SLC39A12: variants seen among roughly 807,000 people sequenced by gnomAD.
The protein encoded by SLC39A12 is solute carrier family 39 member 12.
SLC39A12 carries 63 observed loss-of-function variants against 71.1 expected under a neutral mutation model. That is an observed-to-expected ratio of 0.89 (90% CI 0.72 to 1.09). SLC39A12 has a LOEUF of 1.09. SLC39A12 is among the 50% of genes least tolerant of loss of function. The pLI is 0.00. For missense variants in SLC39A12, 892 were observed against 812.6 expected (o/e 1.10, Z -1.19); for synonymous variants, 351 against 301.3 (o/e 1.16, Z -1.71).
chr10:17,995,067 A>G (rs949791876), intron 9 of SLC39A12, among the ~76,000 whole-genome samples: 4 of 152,216 alleles, frequency 2.6e-5, no homozygotes, highest in Non-Finnish European at 2.9e-5. Context: ...TCTGTCATAT[A>G]AAAGGATTAA....
intron 10 of SLC39A12, among the ~76,000 whole-genome samples, chr10:17,998,297 G>C (rs1039738863): frequency 3.5e-5 from 4 of 112,678 alleles, no homozygotes; most frequent in African/African-American, 1.3e-4. Context: ...GTTTCTAGCA[G>C]AGTGTAATAT....
Position 18,043,063 on chromosome 10 carries a change from G to A in SLC39A12, c.*230G>A, listed in dbSNP as rs11012350. On this transcript the variant is annotated 3_prime_UTR_variant, in exon 13 of 13. Transcript: ENST00000377369. ...CTTTGGTTTCCAACACCATGATGAAGCTCTTGCTTTTTAAAAAGTAGTTAG... is the reference window on the plus strand; with the variant it reads ...CTTTGGTTTCCAACACCATGATGAAACTCTTGCTTTTTAAAAAGTAGTTAG... 16,597 of 246,442 alleles carry A rather than the reference G, an allele frequency of 0.067. 843 individuals are homozygous for A. The highest frequency in any genetic ancestry group is 0.2 in the East Asian group (2,569 of 12,854). The allele number at this position is 246,442 out of a possible 1,614,324, so 15.3% of individuals were successfully genotyped here.
At chr10:18,021,351 T>C (rs1278844324) in intron 12 of SLC39A12, among the ~76,000 whole-genome samples, 5 of 152,066 alleles carry the variant, frequency 3.3e-5, no homozygotes, top group African/African-American at 1.2e-4. Flanking sequence ...AATCAAACCT[T>C]TTATCATTAT....
intron 4 of SLC39A12, among the ~76,000 whole-genome samples, chr10:17,974,980 G>T (rs931187708): frequency 6.6e-6 from 1 of 152,182 alleles, no homozygotes; most frequent in East Asian, 1.9e-4. Flanking sequence ...ATCACAAGAC[G>T]TAGTCCTTCT....
chr10:18,028,192 A>G (rs1301076888), intron 12 of SLC39A12, among the ~76,000 whole-genome samples: 2 of 152,208 alleles, frequency 1.3e-5, no homozygotes, highest in South Asian at 4.1e-4. Flanking sequence ...AGAGAAAAAT[A>G]CTTAAAGTAC....
Position 18,040,755 on chromosome 10 carries a change from G to C in SLC39A12, c.1948-1950G>C, listed in dbSNP as rs533425700. On this transcript the variant is annotated intron_variant, in intron 12 of 12. Coordinates refer to ENST00000377369, the MANE Select transcript of SLC39A12 (RefSeq NM_001145195.2). ...CTGTACTCCAGCCTAGGCGATAAGA[G>C]TGAAACTCCATCTCAAAAAAAAAAA... 3.6e-5 allele frequency among the ~76,000 whole-genome samples: 5 copies of C among 138,350 alleles called. No individual in the cohort carries two copies. The South Asian group carries it at 1.1e-3, about 30-fold the overall frequency. 90.8% of individuals were successfully genotyped at this position (138,350 alleles called of 152,430 possible).
intron 12 of SLC39A12, among the ~76,000 whole-genome samples, chr10:18,014,763 T>C (rs1379958395): frequency 1.3e-5 from 2 of 152,224 alleles, no homozygotes; most frequent in Non-Finnish European, 2.9e-5. Context: ...GCAACTTTTC[T>C]GGTATTTCCT....
chr10:17,955,603 G>C (rs1834520206), intron 2 of SLC39A12, among the ~76,000 whole-genome samples: 1 of 152,184 alleles, frequency 6.6e-6, no homozygotes, highest in South Asian at 2.1e-4. Flanking sequence ...ATCGTAAAAA[G>C]AGAGGTTAAG....
chr10:17,995,769 CAGTT>C, intron 10 of SLC39A12, 47 bp downstream of exon 10: 1 of 1,501,602 alleles, frequency 6.7e-7, no homozygotes, highest in Non-Finnish European at 9.2e-7. Context: ...CATAGAAAAA[CAGTT>C]ATGTCTGTTT....
chr10:17,982,532 C>T (rs1158134147), intron 6 of SLC39A12, among the ~76,000 whole-genome samples: 1 of 152,120 alleles, frequency 6.6e-6, no homozygotes, highest in African/African-American at 2.4e-5. Flanking sequence ...GATTCTGTAA[C>T]ATCAAGTGGC....
intron 12 of SLC39A12, among the ~76,000 whole-genome samples, chr10:18,030,794 C>G (rs1029839964): frequency 8.9e-6 from 1 of 112,486 alleles, no homozygotes; most frequent in Non-Finnish European, 1.8e-5. Context: ...CTCCCCCTCC[C>G]CCCTCCCCCC....
At chr10:18,003,063 TA>T in intron 11 of SLC39A12, 107 bp from the exon 12 acceptor site, 1 of 909,316 alleles carries the variant, frequency 1.1e-6, no homozygotes, top group Non-Finnish European at 1.7e-6. Flanking sequence ...ACTCTACCTA[TA>T]AAATTGGTTC....
intron 12 of SLC39A12, among the ~76,000 whole-genome samples, chr10:18,020,176 T>C (rs143627031): frequency 6.6e-5 from 10 of 152,036 alleles, no homozygotes; most frequent in African/African-American, 2.4e-4. Context: ...ATACCCTTCT[T>C]GAGTCAATAT....
At chr10:17,977,785 C>A in intron 4 of SLC39A12, 117 bp from the exon 5 acceptor site, 1 of 784,380 alleles carries the variant, frequency 1.3e-6, no homozygotes. Context: ...ATCTCTAGGG[C>A]TTAAAAAATG....
chr10:18,025,488 G>GT (rs1317046526), intron 12 of SLC39A12, among the ~76,000 whole-genome samples: 9 of 152,044 alleles, frequency 5.9e-5, no homozygotes, highest in Non-Finnish European at 2.9e-5. Flanking sequence ...GCGGTGTTTG[G>GT]TTTTTTGTCC....
At chr10:17,985,694 T>C (rs1182293655) in intron 6 of SLC39A12, among the ~76,000 whole-genome samples, 1 of 152,162 alleles carries the variant, frequency 6.6e-6, no homozygotes, top group Non-Finnish European at 1.5e-5. Context: ...TAACTCCTTA[T>C]CTCTATGTTG....
At chr10:18,014,522 CTTGTT>C (rs1276044122) in intron 12 of SLC39A12, among the ~76,000 whole-genome samples, 4 of 152,140 alleles carry the variant, frequency 2.6e-5, no homozygotes, top group African/African-American at 9.7e-5. Flanking sequence ...GCCCTTTCCT[CTTGTT>C]TTGTTTTTGA....
chr10:17,985,479 G>A (rs1002067305), intron 6 of SLC39A12, among the ~76,000 whole-genome samples: 15 of 151,538 alleles, frequency 9.9e-5, no homozygotes, highest in African/African-American at 3.6e-4. Context: ...ATTGCAATGA[G>A]CTTTAGGTAT....
chr10:18,008,260 G>C (rs1836091751), intron 12 of SLC39A12, among the ~76,000 whole-genome samples: 1 of 152,118 alleles, frequency 6.6e-6, no homozygotes, highest in Admixed American at 6.5e-5. Flanking sequence ...CAGATCAGCG[G>C]GGGCATTAGG....
Sources: allele counts gnomAD v4.1 joint callset (sites outside exome capture counted in the v4.1 genomes callset), GRCh38; gene constraint gnomAD v4.1.1; transcripts MANE v1.5; gene names NCBI Gene and HGNC (gene_info 2026-07-23, HGNC 2026-07-21).